Variants in SNTG2 observed in about 807,000 individuals in gnomAD.
The protein encoded by SNTG2 is syntrophin gamma 2, also known as gamma-2-syntrophin.
SNTG2 carries 74 observed loss-of-function variants against 70.9 expected under a neutral mutation model. That is an observed-to-expected ratio of 1.04 (90% CI 0.86 to 1.27). SNTG2 has a LOEUF of 1.27. Among genes scored for constraint, SNTG2 ranks in the 50% most tolerant of loss-of-function variants. The pLI, the probability that SNTG2 is intolerant of heterozygous loss-of-function variation, is 0.00. For synonymous variants in SNTG2, 278 were observed against 273.8 expected, an observed-to-expected ratio of 1.02 and a Z score of -0.15; for missense variants, 717 against 690.7, an observed-to-expected ratio of 1.04 and a Z score of -0.43.
chr2:1,290,726 A>G (rs1679956834), intron 14 of SNTG2, among the ~76,000 whole-genome samples: 1 of 152,178 alleles, frequency 6.6e-6, no homozygotes, highest in Non-Finnish European at 1.5e-5. Context: ...CCAGTCACCC[A>G]CCAGGCCTTA....
intron 8 of SNTG2, among the ~76,000 whole-genome samples, chr2:1,194,205 G>A (rs536773351): frequency 6.6e-6 from 1 of 152,354 alleles, no homozygotes; most frequent in East Asian, 1.9e-4. Flanking sequence ...GTAGGAGGAA[G>A]CAGAGTGAGC....
At chr2:1,153,754 T>C (rs180794613) in intron 6 of SNTG2, among the ~76,000 whole-genome samples, 1 of 152,342 alleles carries the variant, frequency 6.6e-6, no homozygotes, top group Admixed American at 6.5e-5. Context: ...AAAACACTAT[T>C]GATGCTGAAA....
chr2:952,810 T>C (rs1044109468), intron 1 of SNTG2, among the ~76,000 whole-genome samples: 1 of 152,240 alleles, frequency 6.6e-6, no homozygotes, highest in African/African-American at 2.4e-5. Context: ...GATTCTTATG[T>C]ATTTAAAACG....
At chr2:1,066,877 C>T (rs1663191182) in intron 1 of SNTG2, among the ~76,000 whole-genome samples, 3 of 152,132 alleles carry the variant, frequency 2.0e-5, no homozygotes, top group Admixed American at 2.0e-4. Flanking sequence ...CGATTACTCT[C>T]AGTTGGTCGT....
At chr2:1,038,770 GTTTTTATTATTTAAAGGAA>G (rs148678719) in intron 1 of SNTG2, among the ~76,000 whole-genome samples, 5,673 of 152,242 alleles carry the variant, frequency 0.037, 126 homozygotes, top group South Asian at 0.061. Context: ...AGTAACTAAA[GTTTTTATTATTTAAAGGAA>G]AGCTAGAAGC....
chr2:1,331,737 G>T (rs1484663965), intron 16 of SNTG2, among the ~76,000 whole-genome samples: 1 of 152,152 alleles, frequency 6.6e-6, no homozygotes, highest in Non-Finnish European at 1.5e-5. Flanking sequence ...CATCTCTCTG[G>T]CTGTGAAGTC....
chr2:1,210,088 C>T (rs1673939221), intron 9 of SNTG2, among the ~76,000 whole-genome samples: 1 of 152,180 alleles, frequency 6.6e-6, no homozygotes, highest in African/African-American at 2.4e-5. Context: ...AAAAGTCTAG[C>T]AAACATTGCT....
At chr2:1,299,330 G>T (rs1426614005) in intron 14 of SNTG2, among the ~76,000 whole-genome samples, 1 of 152,174 alleles carries the variant, frequency 6.6e-6, no homozygotes, top group Non-Finnish European at 1.5e-5. Flanking sequence ...ATTTCTGGAG[G>T]CTGCAAGTCT....
intron 1 of SNTG2, among the ~76,000 whole-genome samples, chr2:1,031,526 A>ATTTTTTTTTT (rs1660820699): frequency 1.8e-5 from 1 of 54,164 alleles, no homozygotes; most frequent in African/African-American, 9.6e-5. Flanking sequence ...ATATATATAT[A>ATTTTTTTTTT]TATTTTTTTT....
intron 12 of SNTG2, among the ~76,000 whole-genome samples, chr2:1,250,065 A>G (rs772908402): frequency 3.3e-5 from 5 of 152,146 alleles, no homozygotes; most frequent in African/African-American, 7.2e-5. Context: ...TCACATTTCT[A>G]TGTGTCCAGG....
chr2:1,227,172 T>G (rs555319171), intron 9 of SNTG2, among the ~76,000 whole-genome samples: 1 of 152,390 alleles, frequency 6.6e-6, no homozygotes, highest in Non-Finnish European at 1.5e-5. Flanking sequence ...CCTAAGTTAA[T>G]TCTGCATTTG....
chr2:1,177,369 A>G (rs1225222556), intron 8 of SNTG2, among the ~76,000 whole-genome samples: 2 of 152,066 alleles, frequency 1.3e-5, no homozygotes, highest in East Asian at 3.9e-4. Context: ...AAAATAGCTA[A>G]TGGATGCTGG....
At chr2:1,299,768 G>A (rs12718451) in intron 14 of SNTG2, among the ~76,000 whole-genome samples, 89,717 of 152,060 alleles carry the variant, frequency 0.59, 26,591 homozygotes, top group South Asian at 0.66. Context: ...AGACCAGCCC[G>A]TCCTCTGTGC....
intron 14 of SNTG2, among the ~76,000 whole-genome samples, chr2:1,307,099 CTGTGTG>C (rs544502993): frequency 4.1e-4 from 57 of 138,334 alleles, no homozygotes; most frequent in African/African-American, 1.6e-3. Context: ...GAACCATGCA[CTGTGTG>C]TGTGTGGTGT....
chr2:1,191,206 CTT>C (rs1558512071), intron 8 of SNTG2, among the ~76,000 whole-genome samples: 1 of 152,208 alleles, frequency 6.6e-6, no homozygotes, highest in African/African-American at 2.4e-5. Flanking sequence ...TATCATATCT[CTT>C]TTCATATCAG....
At chr2:1,293,932 C>T (rs1680093982) in intron 14 of SNTG2, among the ~76,000 whole-genome samples, 3 of 152,160 alleles carry the variant, frequency 2.0e-5, no homozygotes, top group Non-Finnish European at 4.4e-5. Context: ...CCAGAACAGT[C>T]CTCTAAGCCT....
In SNTG2 at chr2:972,848, A is replaced by G. The variant is rs186750564; in HGVS notation, c.72+21780A>G. Among the ~76,000 whole-genome samples, 39 of 152,252 alleles carry G rather than the reference A, an allele frequency of 2.6e-4. No individual in the cohort carries two copies. The Middle Eastern group carries it at 0.01, about 40-fold the overall frequency. On this transcript the variant is annotated intron_variant, in intron 1 of 16. Transcript: ENST00000308624. ...GGCCTCCCCAGAAGCAGAAGCCACT[A>G]TGCTTCCTGTACAGCCTGCAGAACT...
At chr2:1,057,932 CAGG>C (rs1662570656) in intron 1 of SNTG2, among the ~76,000 whole-genome samples, 1 of 152,110 alleles carries the variant, frequency 6.6e-6, no homozygotes, top group Non-Finnish European at 1.5e-5. Flanking sequence ...CCCAGCTACT[CAGG>C]AGAATTGTTT....
Position 1,238,052 on chromosome 2 carries a change from C to T in SNTG2, c.849+35C>T, listed in dbSNP as rs770121618. The T allele has an allele frequency of 2.5e-6, 4 of 1,580,688 alleles. No homozygotes were observed. In the South Asian group the frequency reaches 3.4e-5, roughly 14 times the overall value. On this transcript the variant is annotated intron_variant, in intron 10 of 16. Coordinates refer to ENST00000308624, the MANE Select transcript of SNTG2 (RefSeq NM_018968.4). ...CGGTGTTTCTGAGTCTCTGCTGATGCTCATTCGTGCATGAAAAATAATGGA... is the reference window on the plus strand; with the variant it reads ...CGGTGTTTCTGAGTCTCTGCTGATGTTCATTCGTGCATGAAAAATAATGGA...
Sources: allele counts gnomAD v4.1 joint callset (sites outside exome capture counted in the v4.1 genomes callset), GRCh38; gene constraint gnomAD v4.1.1; transcripts MANE v1.5; gene names NCBI Gene and HGNC (gene_info 2026-07-23, HGNC 2026-07-21).